Variants in SHISA9 observed in about 807,000 individuals in gnomAD.
SHISA9 encodes the protein protein shisa-9.
Under a neutral mutation model 38.0 loss-of-function variants are expected in SHISA9, and 13 were observed. The observed-to-expected ratio is 0.34, with a 90% CI of 0.22 to 0.54. The LOEUF is 0.54. Ranked by LOEUF, SHISA9 falls within the 20% of genes least tolerant of loss-of-function variation. The probability of loss-of-function intolerance (pLI) is 0.91; values close to 1 mark genes in which losing one functional copy is unlikely to be tolerated. For synonymous variants in SHISA9, 275 were observed against 242.0 expected, an observed-to-expected ratio of 1.14 and a Z score of -1.27; for missense variants, 538 against 575.8, an observed-to-expected ratio of 0.93 and a Z score of 0.67.
intron 2 of SHISA9, among the ~76,000 whole-genome samples, chr16:13,124,726 A>G (rs188050477): frequency 1.2e-4 from 18 of 152,294 alleles, no homozygotes; most frequent in Admixed American, 9.2e-4. Flanking sequence ...TATGCTACTG[A>G]GCTATAGTAA....
chr16:12,902,246 C>G lies in SHISA9; in HGVS notation c.182C>G (p.Ser61Trp), dbSNP rs1322315005. The change falls in exon 1 of 5, where the codon TCG becomes TGG. Residue 61 changes from serine (S) to tryptophan (W), a missense_variant. This residue lies in a region of SHISA9 where 107 missense variants were observed against 103.0 expected (regional missense o/e 1.04). Transcript: ENST00000558583. ...GAGGCCAGCGAGGGCGCTGAGGCATCGGACGCGCCCCCGACCCGGGCGCCC... is the reference window on the plus strand; with the variant it reads ...GAGGCCAGCGAGGGCGCTGAGGCATGGGACGCGCCCCCGACCCGGGCGCCC... ...SGEASEGAEASDAPPTRAPTP... is the reference protein window; with the variant it reads ...SGEASEGAEAWDAPPTRAPTP... 1.3e-6 allele frequency: 2 copies of G among 1,544,214 alleles called. No individual in the cohort carries two copies. The highest frequency in any genetic ancestry group is 1.4e-5 in the African/African-American group (1 of 73,154).
At chr16:12,925,294 G>A (rs945308913) in intron 2 of SHISA9, among the ~76,000 whole-genome samples, 1 of 152,046 alleles carries the variant, frequency 6.6e-6, no homozygotes, top group Admixed American at 6.6e-5. Flanking sequence ...CCTGTCTTAC[G>A]GTTTTCTTCT....
At chr16:13,499,347 T>A in the SHISA9 span, among the ~76,000 whole-genome samples, 1 of 152,112 alleles carries the variant, frequency 6.6e-6, no homozygotes, top group African/African-American at 2.4e-5. Flanking sequence ...ACCTATAGGG[T>A]GGAATAGTAT....
At chr16:13,337,759 A>G in the SHISA9 span, among the ~76,000 whole-genome samples, 1 of 152,012 alleles carries the variant, frequency 6.6e-6, no homozygotes, top group Non-Finnish European at 1.5e-5. Context: ...ATGGGGGCAG[A>G]CTTCCCCCTG....
At chr16:13,347,843 C>T in the SHISA9 span, among the ~76,000 whole-genome samples, 3 of 69,362 alleles carry the variant, frequency 4.3e-5, no homozygotes, top group East Asian at 2.6e-3. Flanking sequence ...TAACGTACCC[C>T]CCCACAAAGA....
intron 2 of SHISA9, among the ~76,000 whole-genome samples, chr16:13,003,933 G>C (rs777036380): frequency 2.0e-5 from 3 of 152,040 alleles, no homozygotes; most frequent in Non-Finnish European, 2.9e-5. Context: ...TAATATTCTA[G>C]GTGACAGGAC....
chr16:13,281,431 A>G, the SHISA9 span, among the ~76,000 whole-genome samples: 3 of 151,916 alleles, frequency 2.0e-5, no homozygotes, highest in East Asian at 5.8e-4. Flanking sequence ...ATCTTCAGAT[A>G]GTATGATGAC....
At chr16:13,090,436 G>A (rs1215251307) in intron 2 of SHISA9, among the ~76,000 whole-genome samples, 5 of 152,030 alleles carry the variant, frequency 3.3e-5, no homozygotes, top group Admixed American at 1.3e-4. Flanking sequence ...TGTGGGAGTC[G>A]ACATCTCTTT....
the SHISA9 span, among the ~76,000 whole-genome samples, chr16:13,290,516 T>C: frequency 6.6e-6 from 1 of 152,094 alleles, no homozygotes; most frequent in African/African-American, 2.4e-5. Context: ...AATTAAGTAG[T>C]GATGAGTTTG....
At chr16:13,035,651 C>T (rs1487390606) in intron 2 of SHISA9, among the ~76,000 whole-genome samples, 1 of 152,068 alleles carries the variant, frequency 6.6e-6, no homozygotes, top group Non-Finnish European at 1.5e-5. Flanking sequence ...CTGTCTCAGC[C>T]TCTCAAGTAG....
Position 13,077,224 on chromosome 16 carries a change from ACTT to A in SHISA9, c.692-126151_692-126149del, listed in dbSNP as rs369294233. Among the ~76,000 whole-genome samples the A allele has an allele frequency of 8.5e-3, 1,260 of 147,432 alleles. 14 individuals are homozygous for A. The highest frequency in any genetic ancestry group is 0.028 in the African/African-American group (1,118 of 40,000). The stretch of plus-strand genomic sequence containing the variant: ...TCTGTCTCCTCTGTTTCTATTTTTC[ACTT>A]CTTCTTCTTCTTCTTCTTTTTTTTT... On this transcript the variant is annotated intron_variant, in intron 2 of 4. Coordinates refer to ENST00000558583, the MANE Select transcript of SHISA9 (RefSeq NM_001145204.3).
chr16:13,005,252 A>G (rs1343491643), intron 2 of SHISA9, among the ~76,000 whole-genome samples: 2 of 152,154 alleles, frequency 1.3e-5, no homozygotes, highest in Non-Finnish European at 2.9e-5. Flanking sequence ...ATATATGAGT[A>G]TGGAGTTCTG....
chr16:13,102,652 C>T (rs1379252440), intron 2 of SHISA9, among the ~76,000 whole-genome samples: 2 of 152,106 alleles, frequency 1.3e-5, no homozygotes, highest in African/African-American at 2.4e-5. Context: ...CTCCTTTTGT[C>T]CTCCCTCTAG....
At chr16:12,980,812 C>G (rs560730652) in intron 2 of SHISA9, among the ~76,000 whole-genome samples, 1 of 151,762 alleles carries the variant, frequency 6.6e-6, no homozygotes, top group African/African-American at 2.4e-5. Flanking sequence ...TTAATTCATT[C>G]TTTAGCTGTA....
At chr16:13,068,732 A>G (rs1404820181) in intron 2 of SHISA9, among the ~76,000 whole-genome samples, 1 of 152,194 alleles carries the variant, frequency 6.6e-6, no homozygotes, top group African/African-American at 2.4e-5. Context: ...GTGTGTATAA[A>G]TGTGTGAGTG....
the SHISA9 span, among the ~76,000 whole-genome samples, chr16:13,428,203 TG>T: frequency 0.71 from 107,655 of 151,996 alleles, 38,311 homozygotes; most frequent in East Asian, 0.81. Context: ...TTATTTGTTG[TG>T]GGTAATTTTC....
At chr16:13,044,618 C>A (rs566675553) in intron 2 of SHISA9, among the ~76,000 whole-genome samples, 1 of 152,250 alleles carries the variant, frequency 6.6e-6, no homozygotes, top group East Asian at 1.9e-4. Flanking sequence ...GGGCTCAGAC[C>A]TGATGGTTAG....
At chr16:13,014,586 C>T (rs1300025207) in intron 2 of SHISA9, among the ~76,000 whole-genome samples, 2 of 152,184 alleles carry the variant, frequency 1.3e-5, no homozygotes, top group East Asian at 3.9e-4. Context: ...CCAGAATGAG[C>T]ATGAACACCC....
intron 2 of SHISA9, among the ~76,000 whole-genome samples, chr16:13,168,077 C>G (rs989615257): frequency 6.6e-6 from 1 of 152,152 alleles, no homozygotes; most frequent in Non-Finnish European, 1.5e-5. Flanking sequence ...AGGGACTGCT[C>G]CTCTCAGGAT....
Sources: allele counts gnomAD v4.1 joint callset (sites outside exome capture counted in the v4.1 genomes callset), GRCh38; gene constraint gnomAD v4.1.1; regional missense constraint gnomAD v4.1.1; transcripts MANE v1.5; gene names NCBI Gene and HGNC (gene_info 2026-07-23, HGNC 2026-07-21).